The following CFHR4 variants were observed in gnomAD, a reference collection of about 807,000 sequenced individuals.
The protein encoded by CFHR4 is complement factor H-related protein 4.
Under a neutral mutation model 69.3 loss-of-function variants are expected in CFHR4, and 64 were observed. That is an observed-to-expected ratio of 0.92 (90% CI 0.76 to 1.14). The LOEUF (loss-of-function observed/expected upper bound fraction) is 1.14, where lower values mean the gene tolerates loss of function less well. Among genes scored for constraint, CFHR4 ranks in the 50% most tolerant of loss-of-function variants. The pLI, the probability that CFHR4 is intolerant of heterozygous loss-of-function variation, is 0.00. For missense variants in CFHR4, 636 were observed against 684.9 expected, an observed-to-expected ratio of 0.93 and a Z score of 0.80; for synonymous variants, 244 against 237.0, an observed-to-expected ratio of 1.03 and a Z score of -0.27.
At chr1:196,889,736 C>T (rs903847311) in intron 1 of CFHR4, among the ~76,000 whole-genome samples, 3 of 151,100 alleles carry the variant, frequency 2.0e-5, no homozygotes, top group Admixed American at 6.6e-5. Context: ...TGTAAAAGTC[C>T]AAATTCCCAA....
At chr1:196,914,786 ATGAG>A in intron 8 of CFHR4, 115 bp downstream of exon 8, 1 of 1,401,956 alleles carries the variant, frequency 7.1e-7, no homozygotes, top group Non-Finnish European at 9.5e-7. Flanking sequence ...TAGTCCTCCT[ATGAG>A]TGTGAATTAT....
intron 3 of CFHR4, among the ~76,000 whole-genome samples, chr1:196,906,564 A>C (rs1414732043): frequency 1.3e-5 from 2 of 151,670 alleles, no homozygotes; most frequent in East Asian, 3.9e-4. Flanking sequence ...TGATAAAGGT[A>C]GACTGTAATA....
chr1:196,895,149 C>T (rs1657229125), intron 1 of CFHR4, among the ~76,000 whole-genome samples: 1 of 151,416 alleles, frequency 6.6e-6, no homozygotes, highest in Non-Finnish European at 1.5e-5. Flanking sequence ...AGGAGGATTG[C>T]TTTAGACTAG....
Position 196,918,225 on chromosome 1 carries a change from C to T in CFHR4, c.1556C>T (p.Thr519Ile). 2 of 1,603,086 alleles carry T rather than the reference C, an allele frequency of 1.2e-6. No individual in the cohort carries two copies. The highest frequency in any genetic ancestry group is 1.7e-6 in the Non-Finnish European group (2 of 1,172,986). Residue 519 changes from threonine to isoleucine, a missense_variant, in exon 10 of 10, where the codon ACT (threonine) becomes ATT (isoleucine). Physicochemically the swap from Thr to Ile is moderately conservative, Grantham distance 89. Transcript: ENST00000608469. Reference protein sequence around the residue: ...PPRCIHPCIITEENMNKNNIQ... With the variant: ...PPRCIHPCIIIEENMNKNNIQ... ...CTGCTTTCAGATCCATGTATAATAA[C>T]TGAAGAAAACATGAATAAAAATAAC...
intron 1 of CFHR4, among the ~76,000 whole-genome samples, chr1:196,898,693 T>G (rs1378684608): frequency 6.6e-6 from 1 of 151,634 alleles, no homozygotes; most frequent in Non-Finnish European, 1.5e-5. Flanking sequence ...CTCACAGATT[T>G]TGTGGGTCAG....
rs777172829 is a variant in CFHR4 at position 196,910,471 on chromosome 1, A to C, written c.990A>C (p.Pro330=). ...CTQDGWLPTV[P]CLRTCSKSDI... Reference sequence around the variant, plus strand: ...AAGATGGGTGGTTGCCAACAGTCCCATGCCTCAGTAAGCAAACCTCTTTAC... The same window carrying C: ...AAGATGGGTGGTTGCCAACAGTCCCCTGCCTCAGTAAGCAAACCTCTTTAC... Residue 330 remains proline, a synonymous_variant, in exon 6 of 10, where the codon CCA becomes CCC. Coordinates refer to ENST00000608469, the MANE Select transcript of CFHR4 (RefSeq NM_001201550.3). 1.2e-6 allele frequency: 2 copies of C among 1,611,282 alleles called. No individual in the cohort carries two copies. The highest frequency in any genetic ancestry group is 3.3e-5 in the Admixed American group (2 of 59,862).
intron 1 of CFHR4, among the ~76,000 whole-genome samples, chr1:196,890,702 CT>C (rs1394586286): frequency 6.6e-6 from 1 of 151,466 alleles, no homozygotes; most frequent in African/African-American, 2.4e-5. Flanking sequence ...GCATTACACT[CT>C]GTTGCCATTG....
chr1:196,912,406 G>C (rs910550799), intron 6 of CFHR4, among the ~76,000 whole-genome samples: 3 of 151,404 alleles, frequency 2.0e-5, no homozygotes, highest in African/African-American at 7.3e-5. Context: ...AAAATACTCA[G>C]GTTGTTGCAA....
At chr1:196,896,972 A>G (rs1236563185) in intron 1 of CFHR4, among the ~76,000 whole-genome samples, 1 of 151,576 alleles carries the variant, frequency 6.6e-6, no homozygotes, top group Non-Finnish European at 1.5e-5. Context: ...ATGTATAAAT[A>G]CGCTGTGTTG....
chr1:196,902,516 T>G lies in CFHR4; in HGVS notation c.157T>G (p.Ser53Ala), dbSNP rs1362500197. The change falls in exon 2 of 10, where the codon TCC becomes GCC. Residue 53 changes from serine to alanine, a missense_variant. Around this residue, in one of 3 missense-constraint regions of CFHR4, gnomAD observed 529 missense variants for 533.2 expected, o/e 0.99. Transcript: ENST00000608469. ...YFPAAAGQSY[S>A]YYCDQNFVTP... is the part of the protein sequence containing the mutation. ...TCCAGCAGCTGCAGGACAATCTTAT[T>G]CCTATTACTGTGATCAAAATTTTGT... 4.3e-6 allele frequency: 7 copies of G among 1,611,094 alleles called. No individual in the cohort carries two copies. The highest frequency in any genetic ancestry group is 5.9e-6 in the Non-Finnish European group (7 of 1,178,114).
chr1:196,910,584 AG>A, intron 6 of CFHR4, 106 bp downstream of exon 6: 1 of 930,756 alleles, frequency 1.1e-6, no homozygotes, highest in South Asian at 1.8e-5. Flanking sequence ...ATGGTACCAA[AG>A]GAAGAGTTGT....
chr1:196,896,007 A>T (rs1657275112), intron 1 of CFHR4, among the ~76,000 whole-genome samples: 2 of 150,892 alleles, frequency 1.3e-5, no homozygotes, highest in South Asian at 4.2e-4. Context: ...GGTTGTCTCC[A>T]GTGTTTTCCA....
chr1:196,911,623 T>C (rs1021530997), intron 6 of CFHR4, among the ~76,000 whole-genome samples: 3 of 151,448 alleles, frequency 2.0e-5, no homozygotes, highest in African/African-American at 4.9e-5. Flanking sequence ...CATTCCATTA[T>C]AGAAACCATA....
intron 3 of CFHR4, among the ~76,000 whole-genome samples, chr1:196,906,522 A>C (rs1363574049): frequency 3.3e-5 from 5 of 151,604 alleles, no homozygotes; most frequent in Non-Finnish European, 5.9e-5. Flanking sequence ...AAATTCACAA[A>C]ATTTTATCTT....
intron 1 of CFHR4, among the ~76,000 whole-genome samples, chr1:196,900,311 G>A (rs561339160): frequency 2.8e-5 from 3 of 108,358 alleles, no homozygotes; most frequent in African/African-American, 1.1e-4. Flanking sequence ...TCAGATCATA[G>A]GTGGAATTTT....
intron 1 of CFHR4, among the ~76,000 whole-genome samples, chr1:196,897,232 C>A (rs558921300): frequency 6.6e-6 from 1 of 151,780 alleles, no homozygotes; most frequent in South Asian, 2.1e-4. Context: ...GCAGCTCAAA[C>A]CCCTAGGGGC....
intron 1 of CFHR4, among the ~76,000 whole-genome samples, chr1:196,894,889 A>AAACAACCACAAC (rs1553301261): frequency 6.7e-6 from 1 of 148,954 alleles, no homozygotes; most frequent in African/African-American, 2.5e-5. Context: ...CTGTCTCTAA[A>AAACAACCACAAC]AACAACAACA....
chr1:196,904,389 C>T (rs183203904), intron 2 of CFHR4, among the ~76,000 whole-genome samples: 1 of 151,536 alleles, frequency 6.6e-6, no homozygotes, highest in Admixed American at 6.6e-5. Flanking sequence ...GGTCCATTTA[C>T]ATTTTTTTCT....
At position 196,906,923 on chromosome 1, in the gene CFHR4, C is replaced by G. The variant is rs758820612; in HGVS notation, c.502C>G (p.Leu168Val). ...CAAGAGTAATGGCATGTGGTTTAAG[C>G]TCCATGACACATTGGACTATGAATG... ...RAKSNGMWFK[L>V]HDTLDYECYD... The change falls in exon 4 of 10, where the codon CTC becomes GTC. Residue 168 changes from leucine (L) to valine (V), a missense_variant. Coordinates refer to ENST00000608469, the MANE Select transcript of CFHR4 (RefSeq NM_001201550.3). 1.2e-6 allele frequency: 2 copies of G among 1,611,960 alleles called. No individual in the cohort carries two copies. The highest frequency in any genetic ancestry group is 2.2e-5 in the South Asian group (2 of 90,878).
Sources: allele counts gnomAD v4.1 joint callset (sites outside exome capture counted in the v4.1 genomes callset), GRCh38; gene constraint gnomAD v4.1.1; regional missense constraint gnomAD v4.1.1; transcripts MANE v1.5; gene names NCBI Gene and HGNC (gene_info 2026-07-23, HGNC 2026-07-21).